The following TIAM1 variants were observed in gnomAD, a reference collection of about 807,000 sequenced individuals.
TIAM1 encodes the protein TIAM Rac1 associated GEF 1.
TIAM1 carries 65 observed loss-of-function variants against 163.5 expected under a neutral mutation model. The observed-to-expected ratio is 0.40, with a 90% confidence interval of 0.33 to 0.49. The LOEUF is 0.49. Among genes scored for constraint, TIAM1 ranks in the 20% least tolerant of loss-of-function variants. The probability of loss-of-function intolerance (pLI) is 0.77; values close to 1 mark genes in which losing one functional copy is unlikely to be tolerated. For missense variants in TIAM1, 1,789 were observed against 2,044.7 expected, an observed-to-expected ratio of 0.87 and a Z score of 2.41; for synonymous variants, 833 against 810.1, an observed-to-expected ratio of 1.03 and a Z score of -0.48.
intron 2 of TIAM1, among the ~76,000 whole-genome samples, chr21:31,393,272 C>A (rs1268450680): frequency 6.6e-6 from 1 of 152,270 alleles, no homozygotes; most frequent in East Asian, 1.9e-4. Flanking sequence ...TTAAAAATTA[C>A]CAAGCCTCAG....
chr21:31,266,420 G>A lies in TIAM1; in HGVS notation c.553C>T (p.Leu185Phe), dbSNP rs935385304. ...AAATGTTCTTGGCTCAGATCAGAGA[G>A]TGAGAATTCCAGGCTGTCCTCCCGC... ...IWREDSLEFSLSDLSQEHLTS... is the reference protein window; with the variant it reads ...IWREDSLEFSFSDLSQEHLTS... Residue 185 changes from leucine (L) to phenylalanine (F), a missense_variant, in exon 4 of 28, where the codon CTC (leucine) becomes TTC (phenylalanine). Coordinates refer to ENST00000541036, the MANE Select transcript of TIAM1 (RefSeq NM_001353694.2). 1.9e-6 allele frequency: 3 copies of A among 1,614,130 alleles called. No homozygotes were observed. Among genetic ancestry groups the A allele is most frequent in the Admixed American group, 1.7e-5 (1 of 60,012 alleles).
chr21:31,296,811 G>A (rs930562262), intron 2 of TIAM1, among the ~76,000 whole-genome samples: 3 of 152,088 alleles, frequency 2.0e-5, no homozygotes, highest in Admixed American at 6.5e-5. Context: ...CTACAGGCAT[G>A]TGCCACCACG....
rs556829710 is a variant in TIAM1 at position 31,245,310 on chromosome 21, G to A, written c.1584+178C>T. Among the ~76,000 whole-genome samples, 73 of 139,496 alleles carry A rather than the reference G, an allele frequency of 5.2e-4. 1 individual carries two copies. In the South Asian group the frequency reaches 0.013, roughly 25 times the overall value. 91.5% of individuals were successfully genotyped at this position (139,496 alleles called of 152,430 possible). A position where few individuals can be genotyped will look rare whatever the true frequency, so the allele number is the denominator to read the frequency against. ...GTACCTACTCCTGGAATTTAATATAGATGTTTATTTTGTCATTCACTGTTT... is the reference window on the plus strand; with the variant it reads ...GTACCTACTCCTGGAATTTAATATAAATGTTTATTTTGTCATTCACTGTTT... On this transcript the variant is annotated intron_variant, in intron 6 of 27. Coordinates refer to ENST00000541036, the MANE Select transcript of TIAM1 (RefSeq NM_001353694.2).
At chr21:31,475,621 T>C (rs2045913408) in intron 1 of TIAM1, among the ~76,000 whole-genome samples, 1 of 152,188 alleles carries the variant, frequency 6.6e-6, no homozygotes, top group Admixed American at 6.5e-5. Context: ...TGATACATCA[T>C]GGCCAGCTGG....
chr21:31,306,357 A>G (rs924177270), intron 2 of TIAM1, among the ~76,000 whole-genome samples: 5 of 152,230 alleles, frequency 3.3e-5, no homozygotes, highest in Non-Finnish European at 7.3e-5. Flanking sequence ...CTACAAGTCC[A>G]TATAGAGAGA....
chr21:31,508,890 A>C (rs1163508095), intron 1 of TIAM1, among the ~76,000 whole-genome samples: 1 of 152,008 alleles, frequency 6.6e-6, no homozygotes, highest in East Asian at 1.9e-4. Context: ...TGCGCACACT[A>C]TTGGTATTAA....
rs1376604132 is a variant in TIAM1, at chr21:31,466,831, G to T, written c.-421-2796C>A. Among the ~76,000 whole-genome samples the T allele has an allele frequency of 4.6e-5, 7 of 152,110 alleles. No homozygotes were observed. In the East Asian group the frequency reaches 1.3e-3, roughly 29 times the overall value. ...ACATCAAGCTACCGTACAATAAGGGGAAACTACCTTTGCACATAATGCCAT... is the reference window on the plus strand; with the variant it reads ...ACATCAAGCTACCGTACAATAAGGGTAAACTACCTTTGCACATAATGCCAT... On this transcript the variant is annotated intron_variant, in intron 1 of 28. Coordinates refer to the TIAM1 transcript ENST00000286827.
intron 2 of TIAM1, among the ~76,000 whole-genome samples, chr21:31,416,062 A>C (rs1402874237): frequency 1.3e-5 from 2 of 152,192 alleles, no homozygotes; most frequent in Non-Finnish European, 2.9e-5. Flanking sequence ...TTCTGTTAGT[A>C]AAATTCAAGC....
Position 31,295,953 on chromosome 21 carries a change from G to A in TIAM1, c.-188-19045C>T, listed in dbSNP as rs554946421. On this transcript the variant is annotated intron_variant, in intron 2 of 27. Coordinates refer to ENST00000541036, the MANE Select transcript of TIAM1 (RefSeq NM_001353694.2). ...GCTAGGATTACAGGCATACAACACC[G>A]CTCCTGGCTAATTTTTTGTATGTTT... Among the ~76,000 whole-genome samples the A allele has an allele frequency of 7.9e-5, 12 of 152,090 alleles. No homozygotes were observed. The South Asian group carries it at 1.0e-3, about 13-fold the overall frequency.
At chr21:31,555,464 A>G (rs922561577) in intron 1 of TIAM1, among the ~76,000 whole-genome samples, 1 of 152,144 alleles carries the variant, frequency 6.6e-6, no homozygotes, top group Non-Finnish European at 1.5e-5. Flanking sequence ...TGTGTTTTTG[A>G]TACAGAAGAC....
intron 2 of TIAM1, among the ~76,000 whole-genome samples, chr21:31,327,895 G>A (rs1001439198): frequency 9.2e-5 from 14 of 152,032 alleles, no homozygotes; most frequent in Middle Eastern, 3.4e-3. Context: ...AAACCAGATC[G>A]TGTCTCCCTA....
intron 15 of TIAM1, among the ~76,000 whole-genome samples, chr21:31,181,059 G>A (rs943929400): frequency 6.6e-6 from 1 of 152,188 alleles, no homozygotes; most frequent in Admixed American, 6.5e-5. Context: ...TGAACAGAAC[G>A]CTCCTTTTGT....
chr21:31,536,264 G>A (rs1255704781), intron 1 of TIAM1, among the ~76,000 whole-genome samples: 2 of 152,180 alleles, frequency 1.3e-5, no homozygotes, highest in Non-Finnish European at 2.9e-5. Flanking sequence ...TGCATCGTCC[G>A]AGGTCATTCT....
chr21:31,375,014 TTTACA>T (rs2076659924), intron 2 of TIAM1, among the ~76,000 whole-genome samples: 1 of 152,206 alleles, frequency 6.6e-6, no homozygotes, highest in African/African-American at 2.4e-5. Flanking sequence ...ATTTCTGGTC[TTTACA>T]TTAGACACAG....
At chr21:31,125,749 A>G (rs1209616685) in intron 26 of TIAM1, among the ~76,000 whole-genome samples, 2 of 152,118 alleles carry the variant, frequency 1.3e-5, no homozygotes, top group Non-Finnish European at 2.9e-5. Context: ...TAACTTTTGT[A>G]TTTTTAGTGG....
At chr21:31,538,613 C>T (rs141452353) in intron 1 of TIAM1, among the ~76,000 whole-genome samples, 86 of 152,284 alleles carry the variant, frequency 5.6e-4, no homozygotes, top group African/African-American at 2.0e-3. Context: ...AGGAAGAACA[C>T]AGAATGCTGT....
chr21:31,413,852 C>T (rs745727308), intron 2 of TIAM1, among the ~76,000 whole-genome samples: 2 of 152,104 alleles, frequency 1.3e-5, no homozygotes, highest in Non-Finnish European at 2.9e-5. Context: ...GAGATGAAGA[C>T]CCAGTCCCAA....
chr21:31,258,157 C>T (rs1325165432), intron 4 of TIAM1, among the ~76,000 whole-genome samples: 1 of 152,066 alleles, frequency 6.6e-6, no homozygotes, highest in Non-Finnish European at 1.5e-5. Context: ...GCCACACACA[C>T]ACCCACTTCA....
In TIAM1 at chr21:31,245,592, CGT is replaced by C. The variant is rs1192382622; in HGVS notation, c.1478_1479del (p.His493ArgfsTer14). 6.2e-7 allele frequency: 1 copy of C among 1,608,032 alleles called. No individual in the cohort carries two copies. On this transcript the variant is annotated frameshift_variant, in exon 6 of 28. Transcript: ENST00000541036. LOFTEE classifies it high-confidence loss of function. ...ACAATGCTGTTCTCCACCCAGACGGCGTGTTTGGGGATGCTGTTGTGGTCTAT... is the reference window on the plus strand; with the variant it reads ...ACAATGCTGTTCTCCACCCAGACGGCGTTTGGGGATGCTGTTGTGGTCTAT... ...SGIDHNSIPKHAVWVENSIVQ... is the reference protein window; with the variant it reads ...SGIDHNSIPKXAVWVENSIVQ...
Sources: gnomAD v4.1 joint callset for allele counts (sites outside exome capture counted in the v4.1 genomes callset) on GRCh38, gnomAD v4.1.1 for gene constraint, MANE v1.5 for transcripts, NCBI Gene and HGNC (gene_info 2026-07-23, HGNC 2026-07-21) for gene names.